Variants in ASRGL1 observed in about 807,000 individuals in gnomAD.
ASRGL1 encodes isoaspartyl peptidase/L-asparaginase.
Under a neutral mutation model 22.4 loss-of-function variants are expected in ASRGL1, and 16 were observed. The ratio of observed to expected loss-of-function variants is 0.71; its 90% CI spans 0.48 to 1.08. The LOEUF is 1.08. ASRGL1 is among the 50% of genes least tolerant of loss of function. The pLI is 0.00. For synonymous variants in ASRGL1, 165 were observed against 159.3 expected (o/e 1.04, Z -0.27); for missense variants, 412 against 410.1 (o/e 1.00, Z -0.04).
chr11:62,356,426 A>G lies in ASRGL1; in HGVS notation c.292A>G (p.Ile98Val). Residue 98 changes from isoleucine to valine, a missense_variant, in exon 3 of 7, where the codon ATA becomes GTA. Coordinates refer to ENST00000415229, the MANE Select transcript of ASRGL1 (RefSeq NM_001083926.2). The stretch of plus-strand genomic sequence containing the variant: ...AGGAGCAGTGTCCGCAGTCCAGTGT[A>G]TAGCAAATCCCATTAAACTTGCTCG... ...SAGAVSAVQCIANPIKLARLV... is the reference protein window; with the variant it reads ...SAGAVSAVQCVANPIKLARLV... 2.5e-6 allele frequency: 4 copies of G among 1,614,244 alleles called. 1 individual carries two copies. Among genetic ancestry groups the G allele is most frequent in the South Asian group, 1.1e-5 (1 of 91,090 alleles).
Position 62,386,648 on chromosome 11 carries a change from G to A in ASRGL1, c.492-2485G>A, listed in dbSNP as rs548023014. 3.9e-5 allele frequency among the ~76,000 whole-genome samples: 6 copies of A among 152,236 alleles called. No individual in the cohort carries two copies. The Middle Eastern group carries it at 0.01, about 259-fold the overall frequency. ...TGCTGCTGTGAACACTTGAGAATGC[G>A]CTTATGGTAAACACCTGTCCATATT... On this transcript the variant is annotated intron_variant, in intron 4 of 6. Transcript: ENST00000415229.
intron 4 of ASRGL1, among the ~76,000 whole-genome samples, chr11:62,360,416 T>C (rs986185350): frequency 6.6e-6 from 1 of 152,062 alleles, no homozygotes. Flanking sequence ...GATATAATTA[T>C]ATTTCACTTT....
chr11:62,392,974 C>T lies in ASRGL1; in HGVS notation c.*690C>T, dbSNP rs1421399039. 1 of 152,386 alleles carries T rather than the reference C, an allele frequency of 6.6e-6. No homozygotes were observed. The highest frequency in any genetic ancestry group is 1.5e-5 in the Non-Finnish European group (1 of 68,218). The allele number at this position is 152,386 out of a possible 1,614,324, so 9.4% of individuals were successfully genotyped here. On this transcript the variant is annotated 3_prime_UTR_variant, in exon 7 of 7. Coordinates refer to ENST00000415229, the MANE Select transcript of ASRGL1 (RefSeq NM_001083926.2). ...GTCATAAGGGAGACGCTGTGGGGTT[C>T]CTTGAAGTTTCTTGGGTTCACAGAG...
intron 4 of ASRGL1, among the ~76,000 whole-genome samples, chr11:62,374,382 A>AGCTGGG (rs1241363529): frequency 6.6e-6 from 1 of 152,152 alleles, no homozygotes; most frequent in African/African-American, 2.4e-5. Context: ...GAGAGGCAAC[A>AGCTGGG]GCTGGGGCTG....
chr11:62,378,462 G>T (rs1182118553), intron 4 of ASRGL1, among the ~76,000 whole-genome samples: 2 of 151,856 alleles, frequency 1.3e-5, no homozygotes, highest in Non-Finnish European at 2.9e-5. Flanking sequence ...ACTGAAATCT[G>T]GTGGCTGGTT....
chr11:62,375,866 C>T (rs1447502456), intron 4 of ASRGL1, among the ~76,000 whole-genome samples: 1 of 151,800 alleles, frequency 6.6e-6, no homozygotes, highest in Non-Finnish European at 1.5e-5. Context: ...AATCCCAGCA[C>T]TTTGGGAGGC....
intron 4 of ASRGL1, among the ~76,000 whole-genome samples, chr11:62,365,207 G>C (rs546388890): frequency 6.6e-6 from 1 of 152,290 alleles, no homozygotes; most frequent in African/African-American, 2.4e-5. Context: ...GTCTGGAGAA[G>C]TATAATATTA....
Position 62,338,013 on chromosome 11 carries a change from C to T in ASRGL1, c.36C>T (p.Ala12=), listed in dbSNP as rs1415430911. 1.9e-6 allele frequency: 3 copies of T among 1,606,458 alleles called. No homozygotes were observed. Among genetic ancestry groups the T allele is most frequent in the African/African-American group, 1.3e-5 (1 of 75,006 alleles). The stretch of plus-strand genomic sequence containing the variant: ...TCGTAGTGGTCCACGGCGGCGGAGC[C>T]GGTCCCATCTCCAAGGATCGGAAGG... ...NPIVVVHGGG[A]GPISKDRKER... Residue 12 remains alanine, a synonymous_variant, in exon 2 of 7, where the codon GCC becomes GCT. Transcript: ENST00000415229.
intron 4 of ASRGL1, chr11:62,381,870 C>A: frequency 6.5e-6 from 1 of 152,970 alleles, no homozygotes; most frequent in South Asian, 1.8e-4. Context: ...AACTTGTTCT[C>A]AATGACCACG....
intron 4 of ASRGL1, among the ~76,000 whole-genome samples, chr11:62,379,290 C>T (rs1018092005): frequency 2.6e-5 from 4 of 152,202 alleles, no homozygotes; most frequent in Non-Finnish European, 1.5e-5. Flanking sequence ...GCTCCAGTGT[C>T]TACCAACCCT....
intron 2 of ASRGL1, among the ~76,000 whole-genome samples, chr11:62,348,770 G>C (rs566810072): frequency 6.6e-6 from 1 of 152,102 alleles, no homozygotes; most frequent in African/African-American, 2.4e-5. Context: ...GTTTCTGGGC[G>C]AGGCCACAGG....
rs1388846035 is a variant in ASRGL1, at chr11:62,372,608, C to A, written c.491+15464C>A. The A allele has an allele frequency of 5.7e-6, 5 of 876,088 alleles. No individual in the cohort carries two copies. The Admixed American group carries it at 8.5e-5, about 15-fold the overall frequency. 54.3% of individuals were successfully genotyped at this position (876,088 alleles called of 1,614,324 possible). On this transcript the variant is annotated intron_variant, in intron 4 of 6. Transcript: ENST00000415229. ...CTGTACCAAATATGGTTATGCGAGA[C>A]GTGGCCTGTGGCGCTAACCACATGC...
chr11:62,383,651 G>T (rs1947130571), intron 4 of ASRGL1, among the ~76,000 whole-genome samples: 1 of 143,566 alleles, frequency 7.0e-6, no homozygotes, highest in South Asian at 2.2e-4. Flanking sequence ...GCCAGGCTTG[G>T]TGGCTCACGC....
chr11:62,365,639 G>A (rs1361554763), intron 4 of ASRGL1, among the ~76,000 whole-genome samples: 1 of 152,010 alleles, frequency 6.6e-6, no homozygotes. Flanking sequence ...CACGAGGTCA[G>A]GAGTTCAAGA....
chr11:62,373,462 G>GT (rs112856978), intron 4 of ASRGL1, among the ~76,000 whole-genome samples: 197 of 148,664 alleles, frequency 1.3e-3, no homozygotes, highest in African/African-American at 2.4e-3. Flanking sequence ...CAATCTAGGT[G>GT]TTTTTTTTTT....
chr11:62,351,281 AGAG>A (rs1377523736), intron 2 of ASRGL1, among the ~76,000 whole-genome samples: 2 of 152,230 alleles, frequency 1.3e-5, no homozygotes, highest in Admixed American at 6.5e-5. Context: ...GGAAAATTCA[AGAG>A]GAGAAGGAAA....
At chr11:62,391,884 GA>G in intron 6 of ASRGL1, 194 bp from the exon 7 acceptor site, 1 of 747,476 alleles carries the variant, frequency 1.3e-6, no homozygotes, top group South Asian at 1.9e-5. Context: ...ATGTGGGAGG[GA>G]AGACCCCTCT....
At chr11:62,389,282 C>T (rs1947284967) in intron 5 of ASRGL1, 31 bp downstream of exon 5, 1 of 1,561,528 alleles carries the variant, frequency 6.4e-7, no homozygotes, top group African/African-American at 1.4e-5. Context: ...CTGCCCCTTC[C>T]CCTCTTCTCC....
At chr11:62,344,681 TAATC>T (rs1462069239) in intron 2 of ASRGL1, among the ~76,000 whole-genome samples, 8 of 152,128 alleles carry the variant, frequency 5.3e-5, no homozygotes, top group Admixed American at 5.2e-4. Context: ...CAATGCATAA[TAATC>T]AGGGTAAATG....
Sources: allele counts gnomAD v4.1 joint callset (sites outside exome capture counted in the v4.1 genomes callset), GRCh38; gene constraint gnomAD v4.1.1; transcripts MANE v1.5; gene names NCBI Gene and HGNC (gene_info 2026-07-23, HGNC 2026-07-21).